MGA: variants seen among roughly 807,000 people sequenced by gnomAD.
The protein encoded by MGA is MAX dimerization protein MGA.
MGA carries 40 observed loss-of-function variants against 261.1 expected under a neutral mutation model. The ratio of observed to expected loss-of-function variants is 0.15; its 90% confidence interval spans 0.12 to 0.20. The LOEUF is 0.20. Among genes scored for constraint, MGA ranks in the 10% least tolerant of loss-of-function variants. The probability of loss-of-function intolerance (pLI) is 1.00; values close to 1 mark genes in which losing one functional copy is unlikely to be tolerated. For missense variants in MGA, 3,397 were observed against 3,630.5 expected (o/e 0.94, Z 1.65); for synonymous variants, 1,302 against 1,290.6 (o/e 1.01, Z -0.19).
At chr15:41,674,390 G>A (rs1265699703) in intron 2 of MGA, among the ~76,000 whole-genome samples, 2 of 149,058 alleles carry the variant, frequency 1.3e-5, no homozygotes, top group Non-Finnish European at 3.0e-5. Context: ...TAGAGGTGGG[G>A]TTTCAGCATG....
chr15:41,677,051 C>G (rs371399286), intron 2 of MGA, among the ~76,000 whole-genome samples: 1 of 152,250 alleles, frequency 6.6e-6, no homozygotes, highest in Admixed American at 6.5e-5. Flanking sequence ...TTAAAGGCCA[C>G]TTGCCTGATC....
intron 1 of MGA, among the ~76,000 whole-genome samples, chr15:41,648,982 T>G (rs2056987210): frequency 6.6e-6 from 1 of 151,974 alleles, no homozygotes; most frequent in Non-Finnish European, 1.5e-5. Context: ...TGGACTAGGG[T>G]GATGCATGAA....
chr15:41,696,281 A>G lies in MGA; in HGVS notation c.1271A>G (p.Glu424Gly). ...AACAGTGATGATGATCCTATACTAG[A>G]GAAACAGCTAAAGAGGCACAATAAA... is the stretch of plus-strand genomic sequence containing the variant. Residue 424 changes from glutamate to glycine, a missense_variant, in exon 3 of 24, where the codon GAG becomes GGG. Glu to Gly is a moderately conservative substitution (Grantham distance 98). Transcript: ENST00000219905. The G allele has an allele frequency of 6.2e-7, 1 of 1,613,936 alleles. No homozygotes were observed.
At position 41,663,307 on chromosome 15, in the gene MGA, TA is replaced by T. The variant is rs565949204; in HGVS notation, c.-68+2792del. Among the ~76,000 whole-genome samples the T allele has an allele frequency of 1.0e-3, 152 of 150,296 alleles. No individual in the cohort carries two copies. In the South Asian group the frequency reaches 0.011, roughly 11 times the overall value. On this transcript the variant is annotated intron_variant, in intron 1 of 23. Coordinates refer to ENST00000219905, the MANE Select transcript of MGA (RefSeq NM_001164273.2). ...TTTTATTGTAGCTATTTTATCTAGATAAAAAAAAAATTTGATGTTGAAAAGC... is the reference window on the plus strand; with the variant it reads ...TTTTATTGTAGCTATTTTATCTAGATAAAAAAAAATTTGATGTTGAAAAGC...
At chr15:41,625,238 A>G (rs1158366677) in intron 1 of MGA, among the ~76,000 whole-genome samples, 1 of 152,236 alleles carries the variant, frequency 6.6e-6, no homozygotes, top group African/African-American at 2.4e-5. Context: ...TACAAAAAAC[A>G]TCTGTCTAGT....
At chr15:41,625,603 A>G (rs1313603308) in intron 1 of MGA, among the ~76,000 whole-genome samples, 1 of 152,174 alleles carries the variant, frequency 6.6e-6, no homozygotes, top group Non-Finnish European at 1.5e-5. Flanking sequence ...AGTCCTAGCT[A>G]CTCAGGAGGC....
rs763037602 is a variant in MGA at position 41,766,780 on chromosome 15, C to T, written c.8698C>T (p.Leu2900Phe). The T allele has an allele frequency of 3.7e-6, 6 of 1,613,976 alleles. No homozygotes were observed. The Admixed American group carries it at 5.0e-5, about 13-fold the overall frequency. ...AGGGGAGAGTGACTCTATCAGTCCCCTCCTCTTGCACTTGGAAGACGATGA... is the reference window on the plus strand; with the variant it reads ...AGGGGAGAGTGACTCTATCAGTCCCTTCCTCTTGCACTTGGAAGACGATGA... The change falls in exon 24 of 24, where the codon CTC becomes TTC. Residue 2900 changes from leucine to phenylalanine, a missense_variant. Around this residue, in one of 9 missense-constraint regions of MGA, gnomAD observed 647 missense variants for 642.4 expected, o/e 1.01. Coordinates refer to ENST00000219905, the MANE Select transcript of MGA (RefSeq NM_001164273.2).
upstream of MGA, among the ~76,000 whole-genome samples, chr15:41,656,377 T>TCACACACACACACACACACACACACA (rs1243345715): frequency 2.9e-5 from 2 of 68,272 alleles, no homozygotes; most frequent in African/African-American, 3.8e-5. Flanking sequence ...TCTCTCTCTC[T>TCACACACACACACACACACACACACA]CACACCCAGG....
At position 41,749,293 on chromosome 15, in the gene MGA, C is replaced by G; in HGVS notation, c.5686C>G (p.Gln1896Glu). The change falls in exon 17 of 24, where the codon CAG (glutamine) becomes GAG (glutamate). Residue 1896 changes from glutamine to glutamate, a missense_variant. This residue lies in a region of MGA where 1,410 missense variants were observed against 1,386.4 expected (regional missense o/e 1.02). Coordinates refer to ENST00000219905, the MANE Select transcript of MGA (RefSeq NM_001164273.2). ...TTCCTCTGGAGCTAGTTTTGTGTCTCAGGCTGGTACATTGACCCTGAGGAT... is the reference window on the plus strand; with the variant it reads ...TTCCTCTGGAGCTAGTTTTGTGTCTGAGGCTGGTACATTGACCCTGAGGAT... 6.2e-7 allele frequency: 1 copy of G among 1,614,012 alleles called. No individual in the cohort carries two copies. Among genetic ancestry groups the G allele is most frequent in the African/African-American group, 1.3e-5 (1 of 75,042 alleles).
At position 41,696,706 on chromosome 15, in the gene MGA, C is replaced by T; in HGVS notation, c.1696C>T (p.Leu566Phe). The stretch of plus-strand genomic sequence containing the variant: ...TGACAGCATTAGCACAGAAAGAATA[C>T]TCGACGATTCAAAGGATTCAGTTGG... Residue 566 changes from leucine to phenylalanine, a missense_variant, in exon 3 of 24, where the codon CTC becomes TTC. Leu to Phe is a conservative substitution (Grantham distance 22). Coordinates refer to ENST00000219905, the MANE Select transcript of MGA (RefSeq NM_001164273.2). The T allele has an allele frequency of 6.2e-7, 1 of 1,612,688 alleles. No homozygotes were observed. The highest frequency in any genetic ancestry group is 1.7e-4 in the Middle Eastern group (1 of 6,060).
intron 1 of MGA, among the ~76,000 whole-genome samples, chr15:41,637,197 A>T (rs2056727825): frequency 6.6e-6 from 1 of 152,184 alleles, no homozygotes; most frequent in African/African-American, 2.4e-5. Flanking sequence ...TGTTTTGGGC[A>T]TAGTGGAAAG....
At chr15:41,699,209 CCTA>C (rs747408514) in intron 5 of MGA, 50 bp downstream of exon 5, 2 of 1,195,876 alleles carry the variant, frequency 1.7e-6, no homozygotes, top group Admixed American at 3.0e-5. Context: ...TTCTTTCTTC[CCTA>C]CTGTTTCTCC....
At chr15:41,741,911 C>T (rs562837185) in intron 14 of MGA, among the ~76,000 whole-genome samples, 3 of 151,786 alleles carry the variant, frequency 2.0e-5, no homozygotes, top group South Asian at 2.1e-4. Flanking sequence ...GGGGTTTCAC[C>T]GTGTTGGCCA....
chr15:41,675,937 T>A (rs149508470), intron 2 of MGA, among the ~76,000 whole-genome samples: 15 of 152,344 alleles, frequency 9.8e-5, no homozygotes, highest in African/African-American at 3.6e-4. Context: ...CAGGTACTTT[T>A]CTAAGTACCA....
intron 9 of MGA, among the ~76,000 whole-genome samples, chr15:41,714,244 A>G (rs943499728): frequency 1.3e-5 from 2 of 152,352 alleles, no homozygotes; most frequent in Non-Finnish European, 2.9e-5. Flanking sequence ...ATGTTCCATC[A>G]TAACGTCATG....
At chr15:41,748,561 A>T in intron 15 of MGA, 76 bp from the exon 16 acceptor site, 1 of 1,466,832 alleles carries the variant, frequency 6.8e-7, no homozygotes, top group Non-Finnish European at 9.1e-7. Flanking sequence ...GTCTTAAAAA[A>T]TATTATGAAT....
In MGA at chr15:41,740,135, C is replaced by T; in HGVS notation, c.4517C>T (p.Ser1506Phe). 6.2e-7 allele frequency: 1 copy of T among 1,614,040 alleles called. No homozygotes were observed. Among genetic ancestry groups the T allele is most frequent in the Non-Finnish European group, 8.5e-7 (1 of 1,179,900 alleles). ...ACATCCAATTCCAAAATGGCATCCTCCTCTGGCACTGCAACAAATCGCCCT... is the reference window on the plus strand; with the variant it reads ...ACATCCAATTCCAAAATGGCATCCTTCTCTGGCACTGCAACAAATCGCCCT... The change falls in exon 14 of 24, where the codon TCC becomes TTC. Residue 1506 changes from serine (S) to phenylalanine (F), a missense_variant. Physicochemically the swap from Ser to Phe is radical, Grantham distance 155. Transcript: ENST00000219905.
At chr15:41,699,753 G>A (rs1473570122) in intron 5 of MGA, among the ~76,000 whole-genome samples, 9 of 152,166 alleles carry the variant, frequency 5.9e-5, no homozygotes, top group Non-Finnish European at 8.8e-5. Context: ...GCCCGCCTCG[G>A]CCTCCCAATT....
At chr15:41,734,034 A>G (rs2061648782) in intron 11 of MGA, among the ~76,000 whole-genome samples, 1 of 150,914 alleles carries the variant, frequency 6.6e-6, no homozygotes, top group South Asian at 2.1e-4. Context: ...CAGCCTCCCA[A>G]CCAACTGGGA....
Sources: gnomAD v4.1 joint callset for allele counts (sites outside exome capture counted in the v4.1 genomes callset) on GRCh38, gnomAD v4.1.1 for gene constraint, gnomAD v4.1.1 regional missense constraint, MANE v1.5 for transcripts, NCBI Gene and HGNC (gene_info 2026-07-23, HGNC 2026-07-21) for gene names.